Variants in KIFAP3 observed in about 807,000 individuals in gnomAD.
KIFAP3 encodes kinesin associated protein 3.
A neutral mutation model predicts 106.5 loss-of-function variants in KIFAP3; 68 were observed. The observed-to-expected ratio is 0.64, with a 90% CI of 0.53 to 0.78. KIFAP3 has a LOEUF of 0.78. Among genes scored for constraint, KIFAP3 ranks in the 30% least tolerant of loss-of-function variants. KIFAP3 has a pLI of 0.00. For missense variants in KIFAP3, 780 were observed against 941.8 expected (o/e 0.83, Z 2.25); for synonymous variants, 320 against 311.5 (o/e 1.03, Z -0.29).
Position 170,046,743 on chromosome 1 carries a change from T to C in KIFAP3, c.288A>G (p.Leu96=), listed in dbSNP as rs753905118. The change falls in exon 3 of 20, where the codon CTA becomes CTG. Residue 96 remains leucine (L), a synonymous_variant. Coordinates refer to ENST00000361580, the MANE Select transcript of KIFAP3 (RefSeq NM_014970.4). Reference sequence around the variant, plus strand: ...CTGACAATGAATCACGGCGGTTCTGTAGATAGTACAACAGCTGTTCTACCT... The same window carrying C: ...CTGACAATGAATCACGGCGGTTCTGCAGATAGTACAACAGCTGTTCTACCT... The part of the protein sequence containing the change: ...LNEVEQLLYY[L]QNRRDSLSGK... 5.0e-6 allele frequency: 8 copies of C among 1,593,868 alleles called. No individual in the cohort carries two copies. Among genetic ancestry groups the C allele is most frequent in the Non-Finnish European group, 6.8e-6 (8 of 1,169,800 alleles).
intron 19 of KIFAP3, among the ~76,000 whole-genome samples, chr1:169,934,624 G>C (rs777232888): frequency 7.2e-5 from 11 of 152,130 alleles, no homozygotes; most frequent in Non-Finnish European, 1.5e-4. Context: ...ATTCTGCGAT[G>C]TGTGTTGTCT....
At chr1:170,060,954 C>G (rs549723378) in intron 1 of KIFAP3, among the ~76,000 whole-genome samples, 8 of 152,102 alleles carry the variant, frequency 5.3e-5, no homozygotes, top group South Asian at 2.1e-4. Flanking sequence ...AACTGGCTAG[C>G]CATATGTAGA....
intron 1 of KIFAP3, among the ~76,000 whole-genome samples, chr1:170,082,695 G>A (rs78666500): frequency 0.077 from 11,762 of 152,216 alleles, 466 homozygotes; most frequent in Non-Finnish European, 0.094. Context: ...ACAGTTGGCC[G>A]GGCATGGTGG....
chr1:169,956,610 C>CTGAAGTTCT (rs1553275303), intron 18 of KIFAP3, among the ~76,000 whole-genome samples: 1 of 117,448 alleles, frequency 8.5e-6, no homozygotes, highest in African/African-American at 3.3e-5. Context: ...CACTGAAGTT[C>CTGAAGTTCT]TTTTTTTTTT....
chr1:169,982,676 AC>A, intron 14 of KIFAP3, 25 bp downstream of exon 14: 1 of 1,470,582 alleles, frequency 6.8e-7, no homozygotes, highest in Non-Finnish European at 9.2e-7. Context: ...TAGTGATTAT[AC>A]AAAAGTGAAA....
At chr1:169,941,979 T>C (rs1384135792) in intron 19 of KIFAP3, among the ~76,000 whole-genome samples, 1 of 152,202 alleles carries the variant, frequency 6.6e-6, no homozygotes, top group African/African-American at 2.4e-5. Context: ...AACATATTCA[T>C]AGTATTTCCT....
chr1:170,055,562 C>T (rs185099596), intron 1 of KIFAP3, 126 bp from the exon 2 acceptor site: 2 of 612,442 alleles, frequency 3.3e-6, no homozygotes, highest in Admixed American at 3.5e-5. Flanking sequence ...TTACTCTTGA[C>T]TTGGGATTAG....
intron 18 of KIFAP3, among the ~76,000 whole-genome samples, chr1:169,956,654 G>A (rs543575549): frequency 7.6e-6 from 1 of 131,642 alleles, no homozygotes; most frequent in South Asian, 2.4e-4. Context: ...TTGCTCTGTT[G>A]CATAGGCTGG....
intron 16 of KIFAP3, among the ~76,000 whole-genome samples, chr1:169,976,130 AG>A (rs1250571843): frequency 1.3e-5 from 2 of 152,310 alleles, no homozygotes; most frequent in East Asian, 3.9e-4. Context: ...CACTGTGTAC[AG>A]GTACCTGGTA....
At chr1:169,952,476 T>C (rs1394216897) in intron 19 of KIFAP3, among the ~76,000 whole-genome samples, 5 of 152,062 alleles carry the variant, frequency 3.3e-5, no homozygotes, top group Admixed American at 2.6e-4. Flanking sequence ...TATGTATAGG[T>C]AGATACATGT....
chr1:169,971,695 T>TA (rs980920388), intron 17 of KIFAP3, among the ~76,000 whole-genome samples: 49 of 151,376 alleles, frequency 3.2e-4, no homozygotes, highest in Admixed American at 2.9e-3. Context: ...TATTGATTTT[T>TA]AAAAAAAAAT....
At chr1:170,000,160 A>G (rs1667586316) in intron 10 of KIFAP3, among the ~76,000 whole-genome samples, 1 of 152,142 alleles carries the variant, frequency 6.6e-6, no homozygotes, top group Admixed American at 6.6e-5. Context: ...AGTTCTGAAC[A>G]TGAGAACTCA....
At chr1:170,078,996 A>T (rs547942195), upstream of KIFAP3, among the ~76,000 whole-genome samples, 39 of 152,326 alleles carry the variant, frequency 2.6e-4, no homozygotes, top group Middle Eastern at 3.4e-3. Flanking sequence ...ATACATGAAA[A>T]TCCAATAATT....
intron 10 of KIFAP3, among the ~76,000 whole-genome samples, chr1:170,012,293 G>A (rs890822620): frequency 2.0e-5 from 3 of 152,144 alleles, no homozygotes; most frequent in Non-Finnish European, 4.4e-5. Flanking sequence ...ATTTAGCAAG[G>A]AGAAATCCTT....
At chr1:170,016,979 C>T (rs888549897) in intron 9 of KIFAP3, among the ~76,000 whole-genome samples, 1 of 152,204 alleles carries the variant, frequency 6.6e-6, no homozygotes, top group Non-Finnish European at 1.5e-5. Context: ...GGAGATGAGG[C>T]TGGGCACAGT....
At chr1:170,035,576 G>A (rs541777252) in intron 5 of KIFAP3, 23 bp from the exon 6 acceptor site, 8 of 1,448,246 alleles carry the variant, frequency 5.5e-6, no homozygotes, top group African/African-American at 2.9e-5. Flanking sequence ...GAGAGGTACC[G>A]AAACGATCAT....
intron 4 of KIFAP3, 80 bp from the exon 5 acceptor site, chr1:170,038,511 A>G: frequency 7.2e-7 from 1 of 1,381,750 alleles, no homozygotes; most frequent in Non-Finnish European, 9.9e-7. Context: ...TGTGATCAAT[A>G]TACTGGCCTT....
At chr1:170,018,184 T>C (rs935812278) in intron 9 of KIFAP3, among the ~76,000 whole-genome samples, 41 of 152,216 alleles carry the variant, frequency 2.7e-4, no homozygotes, top group African/African-American at 9.9e-4. Context: ...AAATATTTAC[T>C]GGAACAAAGC....
intron 2 of KIFAP3, among the ~76,000 whole-genome samples, chr1:170,048,072 G>A (rs1238068510): frequency 6.6e-6 from 1 of 152,158 alleles, no homozygotes; most frequent in East Asian, 1.9e-4. Flanking sequence ...TGTCCTGTAA[G>A]CTTATTATCC....
Sources: gnomAD v4.1 joint callset for allele counts (sites outside exome capture counted in the v4.1 genomes callset) on GRCh38, gnomAD v4.1.1 for gene constraint, MANE v1.5 for transcripts, NCBI Gene and HGNC (gene_info 2026-07-23, HGNC 2026-07-21) for gene names.